The following AMPH variants were observed in gnomAD, a reference collection of about 807,000 sequenced individuals.
The protein encoded by AMPH is amphiphysin (Stiff-Mann syndrome with breast cancer 128kD autoantigen).
A neutral mutation model predicts 99.1 loss-of-function variants in AMPH; 49 were observed. The observed-to-expected ratio is 0.49, with a 90% CI of 0.39 to 0.63. AMPH has a LOEUF of 0.63. Among genes scored for constraint, AMPH ranks in the 20% least tolerant of loss-of-function variants. AMPH has a pLI of 0.00. For missense variants in AMPH, 759 were observed against 863.4 expected, an observed-to-expected ratio of 0.88 and a Z score of 1.52; for synonymous variants, 314 against 317.3, an observed-to-expected ratio of 0.99 and a Z score of 0.11.
intron 10 of AMPH, 69 bp from the exon 11 acceptor site, chr7:38,461,480 T>C: frequency 6.3e-7 from 1 of 1,587,684 alleles, no homozygotes; most frequent in Non-Finnish European, 8.6e-7. Flanking sequence ...AAAGGTCACA[T>C]GAACAGAGCT....
chr7:38,440,445 A>G (rs1185259451), intron 11 of AMPH, among the ~76,000 whole-genome samples: 4 of 152,218 alleles, frequency 2.6e-5, no homozygotes, highest in Admixed American at 2.6e-4. Flanking sequence ...GGGAAAAATG[A>G]TAACAGAACT....
At chr7:38,426,626 A>G (rs1033458444) in intron 15 of AMPH, among the ~76,000 whole-genome samples, 6 of 152,222 alleles carry the variant, frequency 3.9e-5, no homozygotes, top group Non-Finnish European at 8.8e-5. Context: ...AACAACTTCT[A>G]ATTTCTAGTA....
chr7:38,547,896 C>G (rs975883552), intron 1 of AMPH, among the ~76,000 whole-genome samples: 1 of 152,150 alleles, frequency 6.6e-6, no homozygotes, highest in Non-Finnish European at 1.5e-5. Flanking sequence ...GTCACTTACG[C>G]CTTCACTGGC....
At chr7:38,477,190 A>T (rs1280276669) in intron 5 of AMPH, among the ~76,000 whole-genome samples, 1 of 151,910 alleles carries the variant, frequency 6.6e-6, no homozygotes, top group Non-Finnish European at 1.5e-5. Flanking sequence ...CCCTTTTGAT[A>T]ATAATTAGGC....
chr7:38,535,786 A>C (rs1584218031), intron 1 of AMPH, among the ~76,000 whole-genome samples: 1 of 152,130 alleles, frequency 6.6e-6, no homozygotes, highest in East Asian at 1.9e-4. Context: ...CTCTCCTATG[A>C]GAACCTAATG....
chr7:38,624,890 C>T (rs1794192007), intron 1 of AMPH, among the ~76,000 whole-genome samples: 1 of 151,400 alleles, frequency 6.6e-6, no homozygotes, highest in African/African-American at 2.4e-5. Context: ...ATACATTTTA[C>T]AGATGCTAAA....
At chr7:38,390,264 A>G (rs1784451040) in intron 19 of AMPH, among the ~76,000 whole-genome samples, 1 of 152,224 alleles carries the variant, frequency 6.6e-6, no homozygotes, top group African/African-American at 2.4e-5. Context: ...AGCTTCTGTC[A>G]AATAATAATA....
At chr7:38,580,704 G>A (rs539405477) in intron 1 of AMPH, among the ~76,000 whole-genome samples, 27 of 150,642 alleles carry the variant, frequency 1.8e-4, no homozygotes, top group Admixed American at 4.0e-4. Flanking sequence ...TGATGATGAC[G>A]ATGACGATAA....
chr7:38,391,443 G>C (rs1034455257), intron 19 of AMPH, among the ~76,000 whole-genome samples: 2 of 152,204 alleles, frequency 1.3e-5, no homozygotes, highest in Non-Finnish European at 2.9e-5. Flanking sequence ...GTCTGAGCCA[G>C]GCTCCACAGA....
At chr7:38,436,234 T>C (rs761993327) in intron 12 of AMPH, 38 bp downstream of exon 12, 10 of 1,472,582 alleles carry the variant, frequency 6.8e-6, no homozygotes, top group Non-Finnish European at 9.5e-6. Context: ...TACTGAGGTT[T>C]ATGAAATATC....
chr7:38,570,885 C>T (rs1456730934), intron 1 of AMPH, among the ~76,000 whole-genome samples: 1 of 120,488 alleles, frequency 8.3e-6, no homozygotes, highest in Admixed American at 1.0e-4. Context: ...CCTGTGTAGG[C>T]CTAGGCTAAT....
intron 11 of AMPH, among the ~76,000 whole-genome samples, chr7:38,459,978 C>G (rs1787379341): frequency 6.6e-6 from 1 of 151,636 alleles, no homozygotes; most frequent in Non-Finnish European, 1.5e-5. Context: ...GTACAAGGAA[C>G]TCAACTCAAT....
rs572379870 is a variant in AMPH at position 38,625,942 on chromosome 7, T to C, written c.69+5341A>G. Among the ~76,000 whole-genome samples the C allele has an allele frequency of 5.3e-5, 8 of 152,256 alleles. No individual in the cohort carries two copies. The East Asian group carries it at 1.4e-3, about 26-fold the overall frequency. On this transcript the variant is annotated intron_variant, in intron 1 of 20. Transcript: ENST00000356264. ...TTGGACTTCAATCTTTAAAATGTAA[T>C]CTTTTGCAATAACAATTTTTGTTCA...
chr7:38,422,531 T>G, intron 15 of AMPH, 54 bp from the exon 16 acceptor site: 1 of 1,369,308 alleles, frequency 7.3e-7, no homozygotes, highest in Non-Finnish European at 1.0e-6. Context: ...TTAAATCAGC[T>G]ACCATCAATT....
intron 17 of AMPH, among the ~76,000 whole-genome samples, chr7:38,407,403 C>T (rs929008432): frequency 6.0e-5 from 9 of 150,472 alleles, no homozygotes; most frequent in African/African-American, 2.2e-4. Context: ...TGAGTAGAAA[C>T]TAACCAGTGG....
chr7:38,570,961 TATATATAGAATATATATATATTCA>T lies in AMPH; in HGVS notation c.70-35974_70-35951del, dbSNP rs1791932753. Among the ~76,000 whole-genome samples, 2 of 88,700 alleles carry T rather than the reference TATATATAGAATATATATATATTCA, an allele frequency of 2.3e-5. 1 individual carries two copies. The highest frequency in any genetic ancestry group is 4.6e-4 in the East Asian group (2 of 4,360). 58.2% of individuals were successfully genotyped at this position (88,700 alleles called of 152,430 possible). On this transcript the variant is annotated intron_variant, in intron 1 of 20. Transcript: ENST00000356264. ...TATATATATTTATATATATAGAATATATATATAGAATATATATATATTCAATATATATATATTCATATATATAGA... is the reference window on the plus strand; with the variant it reads ...TATATATATTTATATATATAGAATATATATATATATATTCATATATATAGA...
rs1034276330 is a variant in AMPH, at chr7:38,537,975, C to A, written c.70-2964G>T. The stretch of plus-strand genomic sequence containing the variant: ...CAGCCATCCTCAAACACTGGAAGGA[C>A]CATCAGAGTAAAGAAGGATCAAACT... On this transcript the variant is annotated intron_variant, in intron 1 of 20. Transcript: ENST00000356264. 1.3e-5 allele frequency among the ~76,000 whole-genome samples: 2 copies of A among 152,152 alleles called. 1 individual carries two copies. The highest frequency in any genetic ancestry group is 1.3e-4 in the Admixed American group (2 of 15,272).
chr7:38,627,081 G>A (rs1292267801), intron 1 of AMPH, among the ~76,000 whole-genome samples: 1 of 151,970 alleles, frequency 6.6e-6, no homozygotes. Context: ...AGTCCATATC[G>A]TTCAGGGGAA....
At chr7:38,456,171 A>G (rs967900668) in intron 11 of AMPH, among the ~76,000 whole-genome samples, 6 of 152,200 alleles carry the variant, frequency 3.9e-5, no homozygotes, top group Admixed American at 3.3e-4. Context: ...ACTTGCAGAC[A>G]CTTTGTGGAC....
Sources: gnomAD v4.1 joint callset for allele counts (sites outside exome capture counted in the v4.1 genomes callset) on GRCh38, gnomAD v4.1.1 for gene constraint, MANE v1.5 for transcripts, NCBI Gene and HGNC (gene_info 2026-07-23, HGNC 2026-07-21) for gene names.